HPSE2: variants seen among roughly 807,000 people sequenced by gnomAD.
The protein encoded by HPSE2 is heparanase 2 (inactive).
A neutral mutation model predicts 60.5 loss-of-function variants in HPSE2; 38 were observed. The observed-to-expected ratio is 0.63, with a 90% CI of 0.48 to 0.82. HPSE2 has a LOEUF of 0.82. HPSE2 is among the 40% of genes least tolerant of loss of function. HPSE2 has a pLI of 0.00. For synonymous variants in HPSE2, 295 were observed against 293.2 expected (o/e 1.01, Z -0.06); for missense variants, 713 against 740.4 (o/e 0.96, Z 0.43).
chr10:99,281,592 T>C, the HPSE2 span, among the ~76,000 whole-genome samples: 3 of 152,168 alleles, frequency 2.0e-5, no homozygotes, highest in African/African-American at 7.2e-5. Flanking sequence ...TTCTGAAAAG[T>C]ATGCTACTTG....
At chr10:99,098,719 A>T (rs1179606927) in intron 3 of HPSE2, among the ~76,000 whole-genome samples, 1 of 152,216 alleles carries the variant, frequency 6.6e-6, no homozygotes, top group East Asian at 1.9e-4. Context: ...ATAAGAAAAA[A>T]GTCACAGAAT....
At chr10:99,206,450 G>A (rs780910971) in intron 2 of HPSE2, among the ~76,000 whole-genome samples, 63 of 151,846 alleles carry the variant, frequency 4.1e-4, no homozygotes, top group Non-Finnish European at 8.1e-4. Context: ...AAAATTAGCC[G>A]GGGGTGGTGG....
intron 3 of HPSE2, among the ~76,000 whole-genome samples, chr10:98,872,913 T>C (rs573166942): frequency 1.3e-5 from 2 of 152,258 alleles, no homozygotes; most frequent in African/African-American, 4.8e-5. Context: ...CAAAGATTTA[T>C]TTACTTCCTA....
At chr10:98,497,401 G>A (rs897125583) in intron 9 of HPSE2, among the ~76,000 whole-genome samples, 1 of 152,092 alleles carries the variant, frequency 6.6e-6, no homozygotes, top group African/African-American at 2.4e-5. Flanking sequence ...ATCTTATGAT[G>A]TGGGATATTC....
chr10:99,190,445 A>C (rs1266330992), intron 2 of HPSE2, among the ~76,000 whole-genome samples: 1 of 152,240 alleles, frequency 6.6e-6, no homozygotes, highest in Non-Finnish European at 1.5e-5. Context: ...TCTGTTTTAC[A>C]GATTAAAAAA....
intron 9 of HPSE2, among the ~76,000 whole-genome samples, chr10:98,596,245 C>T (rs1945233354): frequency 6.6e-6 from 1 of 152,176 alleles, no homozygotes; most frequent in Non-Finnish European, 1.5e-5. Flanking sequence ...TTACTCTCTG[C>T]TCCCACATTT....
At chr10:99,138,044 A>G (rs1845726243) in intron 3 of HPSE2, among the ~76,000 whole-genome samples, 1 of 152,222 alleles carries the variant, frequency 6.6e-6, no homozygotes, top group South Asian at 2.1e-4. Flanking sequence ...CAAATTTACA[A>G]GAAAAAACAA....
intron 9 of HPSE2, among the ~76,000 whole-genome samples, chr10:98,511,369 C>T (rs942599390): frequency 1.3e-5 from 2 of 152,044 alleles, no homozygotes; most frequent in Admixed American, 1.3e-4. Flanking sequence ...CCAGGATGGT[C>T]TTGATCGCCT....
chr10:98,610,263 C>G (rs72831939), intron 9 of HPSE2, among the ~76,000 whole-genome samples: 9,125 of 152,190 alleles, frequency 0.06, 768 homozygotes, highest in African/African-American at 0.19. Context: ...AGTGCATACT[C>G]GGCATTGTCT....
At chr10:98,890,105 G>A (rs913916219) in intron 3 of HPSE2, among the ~76,000 whole-genome samples, 1 of 152,078 alleles carries the variant, frequency 6.6e-6, no homozygotes, top group African/African-American at 2.4e-5. Context: ...AGGGTGTTAC[G>A]AGAATTAAAT....
intron 7 of HPSE2, among the ~76,000 whole-genome samples, chr10:98,622,385 C>A (rs1326961097): frequency 6.6e-6 from 1 of 152,124 alleles, no homozygotes; most frequent in African/African-American, 2.4e-5. Flanking sequence ...AAAAACAAGA[C>A]CTTTCATGAA....
chr10:99,082,042 G>A (rs983988055), intron 3 of HPSE2, among the ~76,000 whole-genome samples: 2 of 152,056 alleles, frequency 1.3e-5, no homozygotes, highest in African/African-American at 2.4e-5. Flanking sequence ...ATTGTACCAC[G>A]GTTAATCCTT....
chr10:98,986,782 T>C (rs11528136), intron 3 of HPSE2, among the ~76,000 whole-genome samples: 13,181 of 151,330 alleles, frequency 0.087, 786 homozygotes, highest in South Asian at 0.21. Flanking sequence ...AAGAATCAAA[T>C]AGACGCAATA....
intron 9 of HPSE2, among the ~76,000 whole-genome samples, chr10:98,548,867 G>C (rs1424872484): frequency 6.6e-6 from 1 of 152,084 alleles, no homozygotes; most frequent in African/African-American, 2.4e-5. Flanking sequence ...CACTGTGGCA[G>C]GTAAGAGGAT....
upstream of HPSE2, among the ~76,000 whole-genome samples, chr10:99,236,106 C>G (rs1054083333): frequency 1.3e-5 from 2 of 150,270 alleles, no homozygotes; most frequent in Non-Finnish European, 2.9e-5. Flanking sequence ...CAAGAGAACT[C>G]GTACACCGGC....
At chr10:99,174,957 TG>T (rs1847465192) in intron 2 of HPSE2, among the ~76,000 whole-genome samples, 3 of 152,194 alleles carry the variant, frequency 2.0e-5, no homozygotes, top group Admixed American at 2.0e-4. Flanking sequence ...GTGCAGCCCA[TG>T]GAAGGCGAGC....
intron 4 of HPSE2, among the ~76,000 whole-genome samples, chr10:98,743,099 A>G (rs976336413): frequency 3.5e-4 from 53 of 150,970 alleles, no homozygotes; most frequent in African/African-American, 1.3e-3. Flanking sequence ...CAGCCTCCCA[A>G]GTAGCTGGGA....
chr10:98,617,963 CA>C (rs1157935876), intron 8 of HPSE2, among the ~76,000 whole-genome samples: 3 of 152,086 alleles, frequency 2.0e-5, no homozygotes, highest in Non-Finnish European at 2.9e-5. Context: ...ATAAACATTT[CA>C]AAAAGGCTGG....
At chr10:98,980,864 C>T (rs771154200) in intron 3 of HPSE2, among the ~76,000 whole-genome samples, 10 of 152,072 alleles carry the variant, frequency 6.6e-5, no homozygotes, top group Admixed American at 3.3e-4. Context: ...ATTTATGTGT[C>T]GGAGCTATGT....
Sources: gnomAD v4.1 joint callset for allele counts (sites outside exome capture counted in the v4.1 genomes callset) on GRCh38, gnomAD v4.1.1 for gene constraint, MANE v1.5 for transcripts, NCBI Gene and HGNC (gene_info 2026-07-23, HGNC 2026-07-21) for gene names.